SLFN11: variants seen among roughly 807,000 people sequenced by gnomAD.
SLFN11 encodes schlafen family member 11.
A neutral mutation model predicts 53.4 loss-of-function variants in SLFN11; 43 were observed. That is an observed-to-expected ratio of 0.80 (90% CI 0.63 to 1.04). SLFN11 has a LOEUF of 1.04. Among genes scored for constraint, SLFN11 ranks in the 50% least tolerant of loss-of-function variants. SLFN11 has a pLI of 0.00. For missense variants in SLFN11, 990 were observed against 1,079.1 expected, an observed-to-expected ratio of 0.92 and a Z score of 1.16; for synonymous variants, 389 against 394.7, an observed-to-expected ratio of 0.99 and a Z score of 0.17.
chr17:35,362,298 A>G (rs2141963018), intron 4 of SLFN11, among the ~76,000 whole-genome samples: 1 of 152,228 alleles, frequency 6.6e-6, no homozygotes, highest in South Asian at 2.1e-4. Flanking sequence ...TAATAGTGAA[A>G]TGTAGCAAAT....
Position 35,363,205 on chromosome 17 carries a change from A to AT in SLFN11, c.602dup (p.Tyr201Ter). 1 of 1,614,068 alleles carries AT rather than the reference A, an allele frequency of 6.2e-7. No homozygotes were observed. The highest frequency in any genetic ancestry group is 8.5e-7 in the Non-Finnish European group (1 of 1,179,996). ...ACTCAGGAAAAGGCAGGATTTCACC[A>AT]TATTCAAGATAGTCTTTTTGGAAAA... The part of the protein sequence containing the change: ...DLIFQKDYLE[Y>*]GEILPFPESQ... Residue 201 changes from tyrosine (Y) to a stop codon, truncating the protein, a stop_gained and frameshift_variant, in exon 4 of 7, where the codon TAT becomes TAAT. Coordinates refer to ENST00000685675, the MANE Select transcript of SLFN11 (RefSeq NM_001376007.1). LOFTEE classifies it high-confidence loss of function.
In SLFN11 at chr17:35,367,720, A is replaced by AGAGTT. The variant is rs951265158; in HGVS notation, c.-234-25_-234-21dup. 1 of 152,226 alleles carries AGAGTT rather than the reference A, an allele frequency of 6.6e-6. No homozygotes were observed. The highest frequency in any genetic ancestry group is 1.5e-5 in the Non-Finnish European group (1 of 68,052). The allele number at this position is 152,226 out of a possible 1,614,324, so 9.4% of individuals were successfully genotyped here. ...AGAAACCTATGTAGACAGAGGTAACAGAGTTCAAGGATTAAGACTCAGTTT... is the reference window on the plus strand; with the variant it reads ...AGAAACCTATGTAGACAGAGGTAACAGAGTTGAGTTCAAGGATTAAGACTCAGTTT... On this transcript the variant is annotated intron_variant, in intron 1 of 6. Transcript: ENST00000685675.
Position 35,352,196 on chromosome 17 carries a change from G to A in SLFN11, c.*160C>T. 2 of 886,788 alleles carry A rather than the reference G, an allele frequency of 2.3e-6. No individual in the cohort carries two copies. The highest frequency in any genetic ancestry group is 3.4e-6 in the Non-Finnish European group (2 of 589,368). The allele number at this position is 886,788 out of a possible 1,614,324, so 54.9% of individuals were successfully genotyped here. A position where few individuals can be genotyped will look rare whatever the true frequency, so the allele number is the denominator to read the frequency against. On this transcript the variant is annotated 3_prime_UTR_variant, in exon 7 of 7. Transcript: ENST00000685675. ...CAGCCACCGCTGCTGAAAGGGTTGG[G>A]GAAGGAACCCCTGAAAGGAGAGCCA...
At chr17:35,355,966 C>T (rs900765540) in intron 5 of SLFN11, among the ~76,000 whole-genome samples, 2 of 152,116 alleles carry the variant, frequency 1.3e-5, no homozygotes, top group Non-Finnish European at 2.9e-5. Context: ...TTAGAATCAG[C>T]AGTGAAGGGT....
chr17:35,363,309 G>A lies in SLFN11; in HGVS notation c.499C>T (p.His167Tyr). Reference sequence around the variant, plus strand: ...TGGTATACACCCTTGTGAATTTTGTGAAAAGGTCCTTCTTCCAAGATTTTT... The same window carrying A: ...TGGTATACACCCTTGTGAATTTTGTAAAAAGGTCCTTCTTCCAAGATTTTT... ...KPKILEEGPFHKIHKGVYQEL... is the reference protein window; with the variant it reads ...KPKILEEGPFYKIHKGVYQEL... The change falls in exon 4 of 7, where the codon CAC becomes TAC. Residue 167 changes from histidine (H) to tyrosine (Y), a missense_variant. Physicochemically the swap from His to Tyr is moderately conservative, Grantham distance 83. Transcript: ENST00000685675. 1 of 1,614,020 alleles carries A rather than the reference G, an allele frequency of 6.2e-7. No homozygotes were observed. Among genetic ancestry groups the A allele is most frequent in the Non-Finnish European group, 8.5e-7 (1 of 1,180,000 alleles).
Position 35,353,003 on chromosome 17 carries a change from T to C in SLFN11, c.2059A>G (p.Ile687Val), listed in dbSNP as rs146588899. Residue 687 changes from isoleucine (I) to valine (V), a missense_variant, in exon 7 of 7, where the codon ATC becomes GTC. By Grantham distance (29) the Ile-to-Val change is conservative (BLOSUM62 3). Transcript: ENST00000685675. ...GGGCCACCCTTTGCTCTCCGAGTGA[T>C]GCTTTTTGCCTTCCCATACCAGTCC... ...DGDWYGKAKS[I>V]TRRAKGGPGI... 3 of 1,614,218 alleles carry C rather than the reference T, an allele frequency of 1.9e-6. No individual in the cohort carries two copies. The highest frequency in any genetic ancestry group is 1.7e-6 in the Non-Finnish European group (2 of 1,180,042).
At position 35,362,895 on chromosome 17, in the gene SLFN11, T is replaced by A; in HGVS notation, c.913A>T (p.Arg305Trp). ...CAAGCATAGCCATAGAGCTCTCCCC[T>A]TTTTAACACATTCACAATTTTGAGT... ...FTLKIVNVLK[R>W]GELYGYACMI... The change falls in exon 4 of 7, where the codon AGG (arginine) becomes TGG (tryptophan). Residue 305 changes from arginine to tryptophan, a missense_variant. Arg to Trp is a moderately radical substitution (Grantham distance 101). Coordinates refer to ENST00000685675, the MANE Select transcript of SLFN11 (RefSeq NM_001376007.1). The A allele has an allele frequency of 6.2e-7, 1 of 1,613,958 alleles. No homozygotes were observed. Among genetic ancestry groups the A allele is most frequent in the Non-Finnish European group, 8.5e-7 (1 of 1,179,930 alleles).
Position 35,363,044 on chromosome 17 carries a change from C to T in SLFN11, c.764G>A (p.Arg255Lys), listed in dbSNP as rs1249413182. 1 of 1,614,008 alleles carries T rather than the reference C, an allele frequency of 6.2e-7. No individual in the cohort carries two copies. Among genetic ancestry groups the T allele is most frequent in the South Asian group, 1.1e-5 (1 of 91,068 alleles). Residue 255 changes from arginine to lysine, a missense_variant, in exon 4 of 7, where the codon AGG (arginine) becomes AAG (lysine). This residue lies in a region of SLFN11 where 521 missense variants were observed against 516.2 expected (regional missense o/e 1.01). Coordinates refer to ENST00000685675, the MANE Select transcript of SLFN11 (RefSeq NM_001376007.1). Reference sequence around the variant, plus strand: ...TTCTTTTGCACATCCCAGGACTTCCCTACTCTTATCATCCACTCCAATAAA... The same window carrying T: ...TTCTTTTGCACATCCCAGGACTTCCTTACTCTTATCATCCACTCCAATAAA... ...YLFIGVDDKS[R>K]EVLGCAKENV... is the part of the protein sequence containing the mutation.
chr17:35,364,480 A>T (rs1908693093), intron 3 of SLFN11, among the ~76,000 whole-genome samples: 2 of 152,114 alleles, frequency 1.3e-5, no homozygotes, highest in Non-Finnish European at 2.9e-5. Context: ...CAGCTAGGTG[A>T]TGACTCAAAA....
At position 35,352,671 on chromosome 17, in the gene SLFN11, C is replaced by T. The variant is rs759999806; in HGVS notation, c.2391G>A (p.Arg797=). ...QIMTCVADTC[R]RFFDRGYSPK... is the part of the protein sequence containing the mutation. ...GAGAATAGCCCCTATCAAAGAAGCG[C>T]CTGCACGTGTCTGCCACACAGGTCA... Residue 797 remains arginine (R), a synonymous_variant, in exon 7 of 7, where the codon AGG becomes AGA. Coordinates refer to ENST00000685675, the MANE Select transcript of SLFN11 (RefSeq NM_001376007.1). 1.2e-6 allele frequency: 2 copies of T among 1,613,850 alleles called. No individual in the cohort carries two copies. Among genetic ancestry groups the T allele is most frequent in the Non-Finnish European group, 1.7e-6 (2 of 1,179,982 alleles).
chr17:35,368,911 GC>G (rs1909297445), intron 1 of SLFN11, among the ~76,000 whole-genome samples: 1 of 152,072 alleles, frequency 6.6e-6, no homozygotes, highest in Non-Finnish European at 1.5e-5. Context: ...AGAAACTGCT[GC>G]CTTAAAGGGA....
Position 35,363,087 on chromosome 17 carries a change from T to A in SLFN11, c.721A>T (p.Thr241Ser). 1 of 1,613,998 alleles carries A rather than the reference T, an allele frequency of 6.2e-7. No homozygotes were observed. The highest frequency in any genetic ancestry group is 8.5e-7 in the Non-Finnish European group (1 of 1,179,954). The change falls in exon 4 of 7, where the codon ACT becomes TCT. Residue 241 changes from threonine to serine, a missense_variant. Transcript: ENST00000685675. ...IPEYVPAFAN[T>S]GGGYLFIGVD... ...CCAATAAAAAGATAGCCTCCTCCAGTGTTTGCAAATGCAGGGACGTATTCT... is the reference window on the plus strand; with the variant it reads ...CCAATAAAAAGATAGCCTCCTCCAGAGTTTGCAAATGCAGGGACGTATTCT...
chr17:35,372,618 T>A (rs1019060274), intron 1 of SLFN11, among the ~76,000 whole-genome samples: 1 of 151,794 alleles, frequency 6.6e-6, no homozygotes, highest in Non-Finnish European at 1.5e-5. Flanking sequence ...TAAAATAAAA[T>A]AAAAACTAAT....
At chr17:35,358,718 G>A (rs911529925) in intron 5 of SLFN11, among the ~76,000 whole-genome samples, 8 of 151,976 alleles carry the variant, frequency 5.3e-5, no homozygotes, top group Non-Finnish European at 1.2e-4. Flanking sequence ...CTCTTTAAAT[G>A]TTGACACATG....
intron 5 of SLFN11, among the ~76,000 whole-genome samples, chr17:35,356,156 A>T (rs569844254): frequency 7.7e-4 from 117 of 152,192 alleles, no homozygotes; most frequent in African/African-American, 2.4e-3. Flanking sequence ...CAATCATTGC[A>T]TTTCTTCCAA....
intron 1 of SLFN11, among the ~76,000 whole-genome samples, chr17:35,370,503 G>C (rs1200586949): frequency 6.6e-6 from 1 of 151,722 alleles, no homozygotes; most frequent in Non-Finnish European, 1.5e-5. Context: ...AGAAATAAAG[G>C]GCATCTAAAT....
chr17:35,352,695 C>T lies in SLFN11; in HGVS notation c.2367G>A (p.Met789Ile), dbSNP rs1178872830. The T allele has an allele frequency of 1.2e-6, 2 of 1,614,074 alleles. No individual in the cohort carries two copies. The highest frequency in any genetic ancestry group is 3.3e-5 in the Admixed American group (2 of 60,008). The change falls in exon 7 of 7, where the codon ATG becomes ATA. Residue 789 changes from methionine (M) to isoleucine (I), a missense_variant. Coordinates refer to ENST00000685675, the MANE Select transcript of SLFN11 (RefSeq NM_001376007.1). ...IKKYLTVEQI[M>I]TCVADTCRRF... ...GCCTGCACGTGTCTGCCACACAGGT[C>T]ATTATTTGCTCCACAGTCAAGTATT...
intron 3 of SLFN11, among the ~76,000 whole-genome samples, chr17:35,364,178 G>T (rs781685164): frequency 1.3e-5 from 2 of 152,122 alleles, no homozygotes; most frequent in Non-Finnish European, 1.5e-5. Context: ...GCAGTGGAGC[G>T]CATGAAGGGC....
Position 35,352,485 on chromosome 17 carries a change from G to A in SLFN11, c.2577C>T (p.Gly859=), listed in dbSNP as rs371552294. ...TCCCAAACACTATGCTCCTTTCCAG[G>A]CCTGAGAATCGCCGAACACTGTCCA... The part of the protein sequence containing the change: ...IVLDSVRRFS[G]LERSIVFGIH... The change falls in exon 7 of 7, where the codon GGC becomes GGT. Residue 859 remains glycine (G), a synonymous_variant. Coordinates refer to ENST00000685675, the MANE Select transcript of SLFN11 (RefSeq NM_001376007.1). 2 of 1,614,150 alleles carry A rather than the reference G, an allele frequency of 1.2e-6. No individual in the cohort carries two copies. Among genetic ancestry groups the A allele is most frequent in the South Asian group, 1.1e-5 (1 of 91,088 alleles).
Sources: allele counts gnomAD v4.1 joint callset (sites outside exome capture counted in the v4.1 genomes callset), GRCh38; gene constraint gnomAD v4.1.1; regional missense constraint gnomAD v4.1.1; transcripts MANE v1.5; gene names NCBI Gene and HGNC (gene_info 2026-07-23, HGNC 2026-07-21).